SKAP2: variants seen among roughly 807,000 people sequenced by gnomAD.
SKAP2 encodes src kinase-associated phosphoprotein 2.
In SKAP2, 28 loss-of-function variants were observed where a neutral mutation model predicts 54.9. The ratio of observed to expected loss-of-function variants is 0.51; its 90% CI spans 0.38 to 0.70. The LOEUF is 0.70. Ranked by LOEUF, SKAP2 falls within the 30% of genes least tolerant of loss-of-function variation. SKAP2 has a pLI of 0.00. For missense variants in SKAP2, 356 were observed against 424.1 expected, an observed-to-expected ratio of 0.84 and a Z score of 1.41; for synonymous variants, 137 against 134.3, an observed-to-expected ratio of 1.02 and a Z score of -0.14.
chr7:26,819,783 T>G lies in SKAP2; in HGVS notation c.307+24247A>C, dbSNP rs577336282. Among the ~76,000 whole-genome samples, 3 of 152,274 alleles carry G rather than the reference T, an allele frequency of 2.0e-5. No homozygotes were observed. The South Asian group carries it at 6.2e-4, about 32-fold the overall frequency. ...GTGTGATAAGAGTATTAAGGTTGTT[T>G]TTAAAATAATCACTATCTATATTAT... On this transcript the variant is annotated intron_variant, in intron 4 of 12. Coordinates refer to ENST00000345317, the MANE Select transcript of SKAP2 (RefSeq NM_003930.5).
At position 26,684,867 on chromosome 7, in the gene SKAP2, A is replaced by C; in HGVS notation, c.875-19T>G. 1 of 1,471,398 alleles carries C rather than the reference A, an allele frequency of 6.8e-7. No homozygotes were observed. Among genetic ancestry groups the C allele is most frequent in the Admixed American group, 1.7e-5 (1 of 58,468 alleles). 91.1% of individuals were successfully genotyped at this position (1,471,398 alleles called of 1,614,324 possible). ...TTATCCCCTAGGAAGAAGAAAGAGA[A>C]AGCATGAATTAGGGCCTTCATGTAA... is the stretch of plus-strand genomic sequence containing the variant. On this transcript the variant is annotated intron_variant, in intron 10 of 12. Transcript: ENST00000345317.
intron 4 of SKAP2, among the ~76,000 whole-genome samples, chr7:26,743,121 C>CT (rs1382535770): frequency 5.3e-5 from 8 of 152,164 alleles, no homozygotes; most frequent in Non-Finnish European, 2.9e-5. Context: ...CGTTATCTCA[C>CT]TATGGAACAG....
chr7:26,793,644 A>G lies in SKAP2; in HGVS notation c.307+50386T>C, dbSNP rs539244013. The stretch of plus-strand genomic sequence containing the variant: ...TAAGAGGTACATAATCTAAGTTATA[A>G]AAGCACCACCAACAGGCTGTATGAC... On this transcript the variant is annotated intron_variant, in intron 4 of 12. Transcript: ENST00000345317. 3.1e-4 allele frequency among the ~76,000 whole-genome samples: 47 copies of G among 152,354 alleles called. 1 individual carries two copies. The South Asian group carries it at 9.7e-3, about 32-fold the overall frequency.
At chr7:26,768,998 G>C (rs1218110514) in intron 4 of SKAP2, among the ~76,000 whole-genome samples, 35 of 152,118 alleles carry the variant, frequency 2.3e-4, no homozygotes, top group Admixed American at 2.3e-3. Context: ...TTTGAATGTA[G>C]GCCTGTCTTT....
intron 4 of SKAP2, among the ~76,000 whole-genome samples, chr7:26,823,472 A>G (rs992630584): frequency 6.6e-6 from 1 of 151,416 alleles, no homozygotes; most frequent in Admixed American, 6.6e-5. Flanking sequence ...CAGCCTAATT[A>G]CTGATATGGA....
At chr7:26,749,175 T>C (rs530917376) in intron 4 of SKAP2, among the ~76,000 whole-genome samples, 49 of 152,310 alleles carry the variant, frequency 3.2e-4, no homozygotes, top group Middle Eastern at 3.4e-3. Context: ...CTTTTAACCA[T>C]ACGACTTTCT....
At chr7:26,847,268 T>A (rs191375848) in intron 3 of SKAP2, among the ~76,000 whole-genome samples, 2 of 152,248 alleles carry the variant, frequency 1.3e-5, no homozygotes, top group East Asian at 3.9e-4. Flanking sequence ...CTGCATTAAG[T>A]GGAAAGGACA....
At chr7:26,703,177 G>C (rs1481824916) in intron 9 of SKAP2, among the ~76,000 whole-genome samples, 3 of 152,124 alleles carry the variant, frequency 2.0e-5, no homozygotes, top group Non-Finnish European at 2.9e-5. Flanking sequence ...CCCAGAAGAA[G>C]AAGAATTGTC....
chr7:26,741,555 TAAA>T (rs1419952499), intron 4 of SKAP2, among the ~76,000 whole-genome samples: 13 of 77,842 alleles, frequency 1.7e-4, no homozygotes, highest in African/African-American at 5.5e-4. Flanking sequence ...AATAAATAAA[TAAA>T]TAAATAAATA....
chr7:26,750,247 T>C lies in SKAP2; in HGVS notation c.308-10283A>G, dbSNP rs79944611. On this transcript the variant is annotated intron_variant, in intron 4 of 12. Coordinates refer to ENST00000345317, the MANE Select transcript of SKAP2 (RefSeq NM_003930.5). ...GGTTAGTTCCCTAAGTGTAACATGA[T>C]ATATTTTAATATACCATATATACCA... 5.5e-3 allele frequency among the ~76,000 whole-genome samples: 834 copies of C among 152,032 alleles called. 26 individuals carry two copies. In the East Asian group the frequency reaches 0.076, roughly 14 times the overall value.
At chr7:26,718,447 TAAC>T (rs1036117659) in intron 9 of SKAP2, among the ~76,000 whole-genome samples, 20 of 152,076 alleles carry the variant, frequency 1.3e-4, no homozygotes, top group African/African-American at 3.6e-4. Context: ...ATCAAACTGT[TAAC>T]AAAGTTTACG....
chr7:26,738,708 C>G (rs1323574284), intron 6 of SKAP2, 87 bp downstream of exon 6: 1 of 700,756 alleles, frequency 1.4e-6, no homozygotes, highest in East Asian at 2.5e-5. Context: ...AGTTTGTCTT[C>G]AGTTTACTCT....
intron 3 of SKAP2, among the ~76,000 whole-genome samples, chr7:26,849,383 C>T (rs979599171): frequency 6.6e-6 from 1 of 151,940 alleles, no homozygotes; most frequent in African/African-American, 2.4e-5. Flanking sequence ...GTATATTCCC[C>T]TTTTTCAAAA....
chr7:26,805,028 A>G (rs1290869239), intron 4 of SKAP2, among the ~76,000 whole-genome samples: 1 of 152,136 alleles, frequency 6.6e-6, no homozygotes, highest in Non-Finnish European at 1.5e-5. Context: ...ATGTCTCTAG[A>G]CAGATAATAT....
chr7:26,690,462 C>T, intron 9 of SKAP2, 100 bp from the exon 10 acceptor site: 2 of 692,232 alleles, frequency 2.9e-6, no homozygotes, highest in South Asian at 1.8e-5. Flanking sequence ...GTTTATAACA[C>T]ATAAACATTA....
At chr7:26,726,047 A>G in intron 7 of SKAP2, 61 bp from the exon 8 acceptor site, 1 of 1,061,348 alleles carries the variant, frequency 9.4e-7, no homozygotes, top group Non-Finnish European at 1.4e-6. Context: ...GGTATGTTGT[A>G]TTCTTACCAT....
chr7:26,696,007 A>C (rs1254930741), intron 9 of SKAP2, among the ~76,000 whole-genome samples: 2 of 152,336 alleles, frequency 1.3e-5, no homozygotes, highest in East Asian at 3.9e-4. Flanking sequence ...GACCTGTGGC[A>C]AGTCACAAAG....
chr7:26,730,846 G>A (rs1787808437), intron 6 of SKAP2, among the ~76,000 whole-genome samples: 1 of 152,102 alleles, frequency 6.6e-6, no homozygotes, highest in Admixed American at 6.5e-5. Context: ...TGGCTTTTAG[G>A]TTTACAGCTG....
chr7:26,817,439 T>C (rs148907071), intron 4 of SKAP2, among the ~76,000 whole-genome samples: 7 of 152,156 alleles, frequency 4.6e-5, no homozygotes, highest in East Asian at 1.9e-4. Flanking sequence ...TGGGGAACAA[T>C]TGTCAACTAA....
Sources: gnomAD v4.1 joint callset for allele counts (sites outside exome capture counted in the v4.1 genomes callset) on GRCh38, gnomAD v4.1.1 for gene constraint, MANE v1.5 for transcripts, NCBI Gene and HGNC (gene_info 2026-07-23, HGNC 2026-07-21) for gene names.